The following MIDEAS variants were observed in gnomAD, a reference collection of about 807,000 sequenced individuals.
MIDEAS encodes the protein mitotic deacetylase-associated SANT domain protein.
In MIDEAS, 26 loss-of-function variants were observed where a neutral mutation model predicts 102.7. That is an observed-to-expected ratio of 0.25 (90% CI 0.19 to 0.35). MIDEAS has a LOEUF of 0.35. Among genes scored for constraint, MIDEAS ranks in the 10% least tolerant of loss-of-function variants. MIDEAS has a pLI of 1.00. For missense variants in MIDEAS, 1,231 were observed against 1,435.6 expected, an observed-to-expected ratio of 0.86 and a Z score of 2.30; for synonymous variants, 585 against 591.0, an observed-to-expected ratio of 0.99 and a Z score of 0.15.
At position 73,736,292 on chromosome 14, in the gene MIDEAS, AATG is replaced by A. The variant is rs2053198641; in HGVS notation, c.1749+703_1749+705del. ...ACATTGCATCAAAATGTATAAAACAAATGATGACAGAACCTAAAGAAAAAGTAG... is the reference window on the plus strand; with the variant it reads ...ACATTGCATCAAAATGTATAAAACAAATGACAGAACCTAAAGAAAAAGTAG... On this transcript the variant is annotated intron_variant, in intron 3 of 12. Transcript: ENST00000423556. Among the ~76,000 whole-genome samples the A allele has an allele frequency of 2.0e-5, 3 of 152,238 alleles. 1 individual carries two copies. The South Asian group carries it at 6.2e-4, about 32-fold the overall frequency.
intron 4 of MIDEAS, 141 bp from the exon 5 acceptor site, chr14:73,727,665 G>A: frequency 1.3e-6 from 1 of 756,864 alleles, no homozygotes. Context: ...CTGAGTCCTG[G>A]CTCTGCAGCC....
At chr14:73,775,777 CAGA>C (rs1433166784) in intron 1 of MIDEAS, among the ~76,000 whole-genome samples, 3 of 152,040 alleles carry the variant, frequency 2.0e-5, no homozygotes, top group Admixed American at 2.0e-4. Flanking sequence ...GAGTTATACC[CAGA>C]AGATCTGAGG....
At position 73,716,226 on chromosome 14, in the gene MIDEAS, C is replaced by T. The variant is rs2052886472; in HGVS notation, c.*2617G>A. On this transcript the variant is annotated 3_prime_UTR_variant, in exon 13 of 13. Transcript: ENST00000423556. ...CACTTGCCACAATTGCATCTGCCCTCTAAACTTTTTAATTTTCACACTGTA... is the reference window on the plus strand; with the variant it reads ...CACTTGCCACAATTGCATCTGCCCTTTAAACTTTTTAATTTTCACACTGTA... 6.6e-6 allele frequency: 1 copy of T among 152,354 alleles called. No individual in the cohort carries two copies. Among genetic ancestry groups the T allele is most frequent in the Non-Finnish European group, 1.5e-5 (1 of 68,034 alleles). The allele number at this position is 152,354 out of a possible 1,614,324, so 9.4% of individuals were successfully genotyped here. A position where few individuals can be genotyped will look rare whatever the true frequency, so the allele number is the denominator to read the frequency against.
At position 73,737,042 on chromosome 14, in the gene MIDEAS, G is replaced by A. The variant is rs746657666; in HGVS notation, c.1705C>T (p.Arg569Cys). The change falls in exon 3 of 13, where the codon CGC (arginine) becomes TGC (cysteine). Residue 569 changes from arginine (R) to cysteine (C), a missense_variant. Physicochemically the swap from Arg to Cys is radical, Grantham distance 180. Transcript: ENST00000423556. ...CCGGGGATTCGGGTGGACCGCCTGCGGGTGACGATGACTGATGGCTTGTGC... is the reference window on the plus strand; with the variant it reads ...CCGGGGATTCGGGTGGACCGCCTGCAGGTGACGATGACTGATGGCTTGTGC... ...AEHKPSVIVT[R>C]RRSTRIPGTD... 2.5e-6 allele frequency: 4 copies of A among 1,613,946 alleles called. No homozygotes were observed. Among genetic ancestry groups the A allele is most frequent in the African/African-American group, 1.3e-5 (1 of 75,018 alleles).
intron 1 of MIDEAS, among the ~76,000 whole-genome samples, chr14:73,770,084 T>C (rs2053629309): frequency 6.6e-6 from 1 of 151,934 alleles, no homozygotes; most frequent in African/African-American, 2.4e-5. Flanking sequence ...CACCTGTATA[T>C]AGAGCCCATT....
Position 73,727,497 on chromosome 14 carries a change from A to T in MIDEAS, c.2123T>A (p.Leu708His). The T allele has an allele frequency of 6.2e-7, 1 of 1,613,566 alleles. No homozygotes were observed. The highest frequency in any genetic ancestry group is 8.5e-7 in the Non-Finnish European group (1 of 1,179,766). ...TNSAEVTPPVLSVMGEATPVS... is the reference protein window; with the variant it reads ...TNSAEVTPPVHSVMGEATPVS... ...TGGGGTGGCCTCCCCCATCACAGAG[A>T]GGACAGGCGGGGTTACTTCAGCACT... The change falls in exon 5 of 13, where the codon CTC becomes CAC. Residue 708 changes from leucine to histidine, a missense_variant. Transcript: ENST00000423556.
chr14:73,752,049 T>C (rs1354668229), intron 1 of MIDEAS, among the ~76,000 whole-genome samples: 1 of 152,134 alleles, frequency 6.6e-6, no homozygotes, highest in African/African-American at 2.4e-5. Flanking sequence ...ACACTGAGCA[T>C]TAGCCCCCAG....
exon 1 of MIDEAS, chr14:73,787,115 C>T (rs35499409): frequency 0.075 from 11,278 of 149,804 alleles, 506 homozygotes; most frequent in East Asian, 0.17. Context: ...CGTGCTGGAT[C>T]CCCGGGCTGC....
intron 1 of MIDEAS, among the ~76,000 whole-genome samples, chr14:73,778,173 A>C (rs933801644): frequency 3.3e-5 from 5 of 151,818 alleles, no homozygotes; most frequent in African/African-American, 4.8e-5. Context: ...TGGCCAACAT[A>C]GTGCAACCCC....
intron 12 of MIDEAS, 82 bp downstream of exon 12, chr14:73,719,223 C>CCCCCG: frequency 1.7e-6 from 2 of 1,205,176 alleles, no homozygotes; most frequent in Non-Finnish European, 2.2e-6. Context: ...TGTACCTCTT[C>CCCCCG]CCCCTCCCCT....
chr14:73,736,919 T>A, intron 3 of MIDEAS, 79 bp downstream of exon 3: 1 of 1,405,242 alleles, frequency 7.1e-7, no homozygotes, highest in Non-Finnish European at 9.8e-7. Flanking sequence ...TACATTGCCA[T>A]GTTCTCCTTT....
intron 3 of MIDEAS, among the ~76,000 whole-genome samples, chr14:73,736,615 A>G (rs2140118423): frequency 7.2e-6 from 1 of 137,948 alleles, no homozygotes; most frequent in Non-Finnish European, 1.5e-5. Flanking sequence ...TGGGTGACAG[A>G]GCAAGACTCT....
At chr14:73,748,273 TA>T (rs1461532340) in intron 1 of MIDEAS, among the ~76,000 whole-genome samples, 2 of 152,132 alleles carry the variant, frequency 1.3e-5, no homozygotes, top group Middle Eastern at 3.2e-3. Context: ...AATGGACTTT[TA>T]AAAAAATATG....
chr14:73,771,651 A>G (rs1469402897), intron 1 of MIDEAS, among the ~76,000 whole-genome samples: 1 of 152,258 alleles, frequency 6.6e-6, no homozygotes, highest in Non-Finnish European at 1.5e-5. Context: ...TCAGCTGCTC[A>G]GCGCCACACC....
intron 1 of MIDEAS, among the ~76,000 whole-genome samples, chr14:73,755,494 G>A (rs2053468992): frequency 6.6e-6 from 1 of 152,214 alleles, no homozygotes; most frequent in East Asian, 1.9e-4. Context: ...AGGTCACACT[G>A]CGAGGCTTCA....
intron 2 of MIDEAS, among the ~76,000 whole-genome samples, chr14:73,737,799 A>C: frequency 1.3e-5 from 1 of 74,160 alleles, no homozygotes; most frequent in South Asian, 4.5e-4. Flanking sequence ...TTTTTTTTGG[A>C]GACAGGGGGT....
upstream of MIDEAS, chr14:73,789,735 C>T (rs28700923): frequency 0.026 from 4,031 of 152,320 alleles, 57 homozygotes; most frequent in Middle Eastern, 0.051. Context: ...AGTCCTTTTG[C>T]AGAGCGAGGG....
chr14:73,771,477 C>G (rs1308335563), intron 1 of MIDEAS, among the ~76,000 whole-genome samples: 3 of 152,178 alleles, frequency 2.0e-5, no homozygotes, highest in Non-Finnish European at 4.4e-5. Flanking sequence ...ACGGGATGAT[C>G]ATGGACCCTC....
chr14:73,771,997 C>A (rs1278045247), intron 1 of MIDEAS, among the ~76,000 whole-genome samples: 1 of 152,228 alleles, frequency 6.6e-6, no homozygotes, highest in African/African-American at 2.4e-5. Context: ...TGGCTCAAAG[C>A]CTCACGTGCT....
Sources: gnomAD v4.1 joint callset for allele counts (sites outside exome capture counted in the v4.1 genomes callset) on GRCh38, gnomAD v4.1.1 for gene constraint, MANE v1.5 for transcripts, NCBI Gene and HGNC (gene_info 2026-07-23, HGNC 2026-07-21) for gene names.